The following MLIP variants were observed in gnomAD, a reference collection of about 807,000 sequenced individuals.
MLIP encodes muscular LMNA-interacting protein.
MLIP carries 79 observed loss-of-function variants against 84.8 expected under a neutral mutation model. That is an observed-to-expected ratio of 0.93 (90% CI 0.78 to 1.12). The LOEUF (loss-of-function observed/expected upper bound fraction) is 1.12, where lower values mean the gene tolerates loss of function less well. Among genes scored for constraint, MLIP ranks in the 50% most tolerant of loss-of-function variants. The pLI is 0.00. For synonymous variants in MLIP, 504 were observed against 463.0 expected, an observed-to-expected ratio of 1.09 and a Z score of -1.14; for missense variants, 1,257 against 1,160.6, an observed-to-expected ratio of 1.08 and a Z score of -1.21.
At chr6:54,106,382 G>T (rs1218437343) in intron 1 of MLIP, among the ~76,000 whole-genome samples, 1 of 152,130 alleles carries the variant, frequency 6.6e-6, no homozygotes, top group African/African-American at 2.4e-5. Context: ...GCCTGACAGG[G>T]ATACGGATGG....
At chr6:54,125,955 A>AT (rs762151003) in intron 3 of MLIP, among the ~76,000 whole-genome samples, 45 of 151,648 alleles carry the variant, frequency 3.0e-4, no homozygotes, top group Non-Finnish European at 4.6e-4. Context: ...TCAAGCATCT[A>AT]GTATCTTGTA....
intron 12 of MLIP, among the ~76,000 whole-genome samples, chr6:54,251,683 TATAAATATATATTATA>T (rs1207671066): frequency 2.1e-4 from 21 of 101,750 alleles, no homozygotes; most frequent in African/African-American, 8.9e-4. Flanking sequence ...TAACATATAA[TATAAATATATATTATA>T]ACATATGATA....
At chr6:54,223,227 T>A (rs967639760) in intron 11 of MLIP, among the ~76,000 whole-genome samples, 1 of 151,976 alleles carries the variant, frequency 6.6e-6, no homozygotes, top group Non-Finnish European at 1.5e-5. Context: ...GCTGTAGAGA[T>A]TTTTTTAAGT....
At chr6:54,107,935 T>G (rs1161277758), upstream of MLIP, among the ~76,000 whole-genome samples, 1 of 152,208 alleles carries the variant, frequency 6.6e-6, no homozygotes, top group Non-Finnish European at 1.5e-5. Context: ...ACTTACATGT[T>G]TCTTGGCAAA....
At chr6:54,176,981 G>C (rs1333342111) in intron 9 of MLIP, among the ~76,000 whole-genome samples, 3 of 152,090 alleles carry the variant, frequency 2.0e-5, no homozygotes, top group African/African-American at 7.2e-5. Context: ...AAAGGTGCTG[G>C]GAAAATTGGC....
chr6:54,245,828 C>A (rs994517811), intron 12 of MLIP, among the ~76,000 whole-genome samples: 1 of 152,094 alleles, frequency 6.6e-6, no homozygotes, highest in Non-Finnish European at 1.5e-5. Flanking sequence ...TCCCATGCAA[C>A]AAAATCTATT....
intron 1 of MLIP, among the ~76,000 whole-genome samples, chr6:54,066,253 C>CTGCAT (rs1438955446): frequency 1.0e-5 from 1 of 99,564 alleles, no homozygotes; most frequent in Non-Finnish European, 2.9e-5. Context: ...ACATATGAGC[C>CTGCAT]TGCATGTGCA....
chr6:54,201,555 C>G (rs1315558930), intron 10 of MLIP, among the ~76,000 whole-genome samples: 5 of 152,168 alleles, frequency 3.3e-5, no homozygotes, highest in Non-Finnish European at 7.3e-5. Context: ...CAGTTTAAAT[C>G]CCTGTTCCAC....
intron 11 of MLIP, among the ~76,000 whole-genome samples, chr6:54,221,895 A>G (rs1013842864): frequency 1.3e-5 from 2 of 152,132 alleles, no homozygotes; most frequent in Admixed American, 6.5e-5. Flanking sequence ...TGGAAACAAT[A>G]TACACAAATT....
intron 5 of MLIP, among the ~76,000 whole-genome samples, chr6:54,159,601 C>A (rs1454951711): frequency 6.6e-6 from 1 of 151,842 alleles, no homozygotes; most frequent in African/African-American, 2.4e-5. Flanking sequence ...TATCTGGTCA[C>A]AATGAAGTAG....
chr6:54,231,039 T>G (rs1389935443), intron 12 of MLIP, 122 bp downstream of exon 12: 2 of 698,420 alleles, frequency 2.9e-6, no homozygotes, highest in East Asian at 5.6e-5. Context: ...AATATCTAAA[T>G]GTATAAAGAA....
chr6:54,111,696 T>C (rs1769480044), intron 1 of MLIP, 121 bp downstream of exon 1: 2 of 1,032,440 alleles, frequency 1.9e-6, no homozygotes, highest in Non-Finnish European at 2.8e-6. Flanking sequence ...TGTATGTATA[T>C]TGAAATGAAA....
intron 11 of MLIP, among the ~76,000 whole-genome samples, chr6:54,211,701 A>G (rs1779464127): frequency 6.6e-6 from 1 of 152,216 alleles, no homozygotes; most frequent in Admixed American, 6.5e-5. Flanking sequence ...GGATGCTACT[A>G]GCATTTAGTA....
At chr6:54,251,681 A>AATATAAATATATATTATAACATATG (rs1782523122) in intron 12 of MLIP, among the ~76,000 whole-genome samples, 1 of 103,888 alleles carries the variant, frequency 9.6e-6, no homozygotes, top group Non-Finnish European at 1.7e-5. Flanking sequence ...TATAACATAT[A>AATATAAATATATATTATAACATATG]ATATAAATAT....
Position 54,266,017 on chromosome 6 carries a change from C to A in MLIP, c.*62C>A. On this transcript the variant is annotated 3_prime_UTR_variant, in exon 14 of 14. Coordinates refer to ENST00000502396, the MANE Select transcript of MLIP (RefSeq NM_001281747.2). Reference sequence around the variant, plus strand: ...TTTTTTGGAATGCTGGTGCTAACCACTTGCTAGATTTAACTTTTTTTTTTT... The same window carrying A: ...TTTTTTGGAATGCTGGTGCTAACCAATTGCTAGATTTAACTTTTTTTTTTT... 1 of 1,540,718 alleles carries A rather than the reference C, an allele frequency of 6.5e-7. No homozygotes were observed. The highest frequency in any genetic ancestry group is 8.9e-7 in the Non-Finnish European group (1 of 1,127,450).
At chr6:54,092,545 C>A (rs1235236506) in intron 1 of MLIP, among the ~76,000 whole-genome samples, 1 of 151,754 alleles carries the variant, frequency 6.6e-6, no homozygotes, top group African/African-American at 2.4e-5. Context: ...ATTTTCCCAA[C>A]AAAATATATT....
intron 1 of MLIP, among the ~76,000 whole-genome samples, chr6:54,091,063 G>C (rs1260479208): frequency 6.6e-6 from 1 of 152,036 alleles, no homozygotes; most frequent in African/African-American, 2.4e-5. Context: ...AACGTCCCTT[G>C]CCTCTACTCA....
chr6:54,158,182 C>T (rs1036129077), intron 5 of MLIP, among the ~76,000 whole-genome samples: 1 of 152,008 alleles, frequency 6.6e-6, no homozygotes, highest in African/African-American at 2.4e-5. Context: ...CAATGGATTC[C>T]ATGGTTTCAC....
At chr6:54,180,751 T>C (rs1489822448) in intron 9 of MLIP, among the ~76,000 whole-genome samples, 1 of 152,226 alleles carries the variant, frequency 6.6e-6, no homozygotes, top group African/African-American at 2.4e-5. Flanking sequence ...CTCTGTGTTA[T>C]CTTGAATTTC....
Sources: allele counts gnomAD v4.1 joint callset (sites outside exome capture counted in the v4.1 genomes callset), GRCh38; gene constraint gnomAD v4.1.1; transcripts MANE v1.5; gene names NCBI Gene and HGNC (gene_info 2026-07-23, HGNC 2026-07-21).